The following PPP2R5C variants were observed in gnomAD, a reference collection of about 807,000 sequenced individuals.
The protein encoded by PPP2R5C is serine/threonine-protein phosphatase 2A 56 kDa regulatory subunit gamma isoform.
In PPP2R5C, 7 loss-of-function variants were observed where a neutral mutation model predicts 68.9. The ratio of observed to expected loss-of-function variants is 0.10; its 90% confidence interval spans 0.06 to 0.19. PPP2R5C has a LOEUF of 0.19. Among genes scored for constraint, PPP2R5C ranks in the 10% least tolerant of loss-of-function variants. PPP2R5C has a pLI of 1.00. For missense variants in PPP2R5C, 348 were observed against 641.3 expected (o/e 0.54, Z 4.94); for synonymous variants, 210 against 222.2 (o/e 0.95, Z 0.49).
At chr14:101,761,585 GGGGGTGGGGC>G (rs2036530797), upstream of PPP2R5C, among the ~76,000 whole-genome samples, 1 of 140,046 alleles carries the variant, frequency 7.1e-6, no homozygotes, top group African/African-American at 2.6e-5. Context: ...GGCCGGGCGC[GGGGGTGGGGC>G]GAGCGGCGGG....
At chr14:101,803,935 C>T (rs140773748) in intron 3 of PPP2R5C, among the ~76,000 whole-genome samples, 2 of 152,146 alleles carry the variant, frequency 1.3e-5, no homozygotes, top group South Asian at 2.1e-4. Context: ...AGTGAAGAGA[C>T]GACCCACAGA....
chr14:101,839,948 A>G (rs2041361305), intron 1 of PPP2R5C, among the ~76,000 whole-genome samples: 1 of 147,892 alleles, frequency 6.8e-6, no homozygotes, highest in African/African-American at 2.5e-5. Context: ...TGTTGTTTGG[A>G]TTTTTTTTTT....
Position 101,879,180 on chromosome 14 carries a change from G to A in PPP2R5C, c.295-2981G>A, listed in dbSNP as rs2043988144. 1 of 121,690 alleles carries A rather than the reference G, an allele frequency of 8.2e-6. No homozygotes were observed. Among genetic ancestry groups the A allele is most frequent in the South Asian group, 2.7e-4 (1 of 3,662 alleles). 7.5% of individuals were successfully genotyped at this position (121,690 alleles called of 1,614,324 possible). A position where few individuals can be genotyped will look rare whatever the true frequency, so the allele number is the denominator to read the frequency against. ...AGCCCCTCTTGCCCGCCCTCCCCCG[G>A]GGCTTTGAGCAGAACCCAGAGCAGA... On this transcript the variant is annotated intron_variant, in intron 2 of 13. Coordinates refer to ENST00000334743, the Ensembl canonical transcript of PPP2R5C. This position sits in a 1 kb window ranked among gnomAD's most constrained non-coding sequence, Gnocchi z 4.2.
At chr14:101,902,257 C>T (rs1420702121) in intron 9 of PPP2R5C, among the ~76,000 whole-genome samples, 3 of 152,142 alleles carry the variant, frequency 2.0e-5, no homozygotes, top group African/African-American at 4.8e-5. Flanking sequence ...CTCTTGCTGC[C>T]GAGGCCCTTC....
chr14:101,906,483 A>G lies in PPP2R5C; in HGVS notation c.1105A>G (p.Ile369Val), dbSNP rs2046030328. 1 of 1,613,658 alleles carries G rather than the reference A, an allele frequency of 6.2e-7. No homozygotes were observed. The highest frequency in any genetic ancestry group is 1.7e-5 in the Admixed American group (1 of 59,892). ...TGACAACGCAGCGAAGATTCTGCCC[A>G]TCATGTTTCCTTCCTTGTACCGCAA... Residue 369 changes from isoleucine to valine, a missense_variant, in exon 10 of 14, where the codon ATC (isoleucine) becomes GTC (valine). Ile to Val is a conservative substitution (Grantham distance 29). This residue lies in a region of PPP2R5C where 101 missense variants were observed against 209.8 expected (regional missense o/e 0.48). Coordinates refer to ENST00000334743, the Ensembl canonical transcript of PPP2R5C. The surrounding 1 kb of genome is among the most constrained non-coding windows in gnomAD (Gnocchi z 4.0).
chr14:101,836,101 C>A, intron 1 of PPP2R5C: 1 of 637,774 alleles, frequency 1.6e-6, no homozygotes, highest in South Asian at 1.7e-5. Context: ...GGAAATTCCT[C>A]AATCCACAAG....
chr14:101,850,250 T>C (rs1417823262), intron 1 of PPP2R5C, among the ~76,000 whole-genome samples: 2 of 152,162 alleles, frequency 1.3e-5, no homozygotes, highest in African/African-American at 4.8e-5. Flanking sequence ...ATGTGGGGAC[T>C]TGCAGATGAA....
chr14:101,822,695 G>A (rs571840309), intron 1 of PPP2R5C, among the ~76,000 whole-genome samples: 1 of 152,174 alleles, frequency 6.6e-6, no homozygotes, highest in African/African-American at 2.4e-5. Flanking sequence ...TAAACTTCTG[G>A]GGACTGACTT....
chr14:101,798,515 TC>T (rs2038718900), intron 3 of PPP2R5C, among the ~76,000 whole-genome samples: 1 of 152,254 alleles, frequency 6.6e-6, no homozygotes, highest in Non-Finnish European at 1.5e-5. Flanking sequence ...ACCTGACTTC[TC>T]AGCTACCCAC....
intron 2 of PPP2R5C, chr14:101,765,281 C>G: frequency 1.4e-6 from 1 of 702,606 alleles, no homozygotes; most frequent in Non-Finnish European, 2.6e-6. Flanking sequence ...TGACACTTGG[C>G]AGATCACTGT....
chr14:101,896,633 C>G (rs1053302087), intron 8 of PPP2R5C, among the ~76,000 whole-genome samples: 8 of 72,200 alleles, frequency 1.1e-4, no homozygotes, highest in Non-Finnish European at 1.9e-4. Flanking sequence ...GAAACCCTGT[C>G]TCCAAAAAAA....
At chr14:101,829,561 G>T (rs1192357203) in intron 1 of PPP2R5C, among the ~76,000 whole-genome samples, 1 of 152,216 alleles carries the variant, frequency 6.6e-6, no homozygotes, top group African/African-American at 2.4e-5. Flanking sequence ...AACACTGATC[G>T]TGCTTTACTT....
chr14:101,803,629 C>T (rs529824205), intron 3 of PPP2R5C, among the ~76,000 whole-genome samples: 1 of 151,760 alleles, frequency 6.6e-6, no homozygotes, highest in Non-Finnish European at 1.5e-5. Flanking sequence ...GAGGCTGAGG[C>T]AGCAGAATCA....
At chr14:101,865,194 G>A (rs2042980379) in intron 2 of PPP2R5C, among the ~76,000 whole-genome samples, 1 of 152,156 alleles carries the variant, frequency 6.6e-6, no homozygotes, top group Non-Finnish European at 1.5e-5. Flanking sequence ...TTGGGTTAAC[G>A]GGGGCAGGCA....
chr14:101,869,407 T>A (rs2043259291), intron 2 of PPP2R5C, among the ~76,000 whole-genome samples: 1 of 152,208 alleles, frequency 6.6e-6, no homozygotes, highest in African/African-American at 2.4e-5. Context: ...ACATACCGAT[T>A]TTAGACATAA....
intron 2 of PPP2R5C, among the ~76,000 whole-genome samples, chr14:101,874,998 C>T (rs2043667980): frequency 6.6e-6 from 1 of 152,212 alleles, no homozygotes; most frequent in Non-Finnish European, 1.5e-5. Flanking sequence ...CCTCAGCCTC[C>T]CAAAGTGCTG....
At chr14:101,904,376 C>A (rs1265126843) in intron 9 of PPP2R5C, among the ~76,000 whole-genome samples, 1 of 152,018 alleles carries the variant, frequency 6.6e-6, no homozygotes, top group African/African-American at 2.4e-5. Context: ...CCTTGAACTC[C>A]TGACCTCAAG....
intron 2 of PPP2R5C, among the ~76,000 whole-genome samples, chr14:101,782,162 CTT>C (rs1290473442): frequency 1.9e-5 from 1 of 53,572 alleles, no homozygotes; most frequent in Non-Finnish European, 3.8e-5. Context: ...TCCCCTCTCT[CTT>C]TTTCCCCCTC....
intron 1 of PPP2R5C, chr14:101,831,791 A>G (rs2040759779): frequency 1.4e-6 from 1 of 702,152 alleles, no homozygotes; most frequent in Non-Finnish European, 2.6e-6. Context: ...GGACTTGAAT[A>G]TGCGTGGATT....
Sources: allele counts gnomAD v4.1 joint callset (sites outside exome capture counted in the v4.1 genomes callset), GRCh38; gene constraint gnomAD v4.1.1; regional missense constraint gnomAD v4.1.1; non-coding constraint Gnocchi (gnomAD v3.1); transcripts MANE v1.5; gene names NCBI Gene and HGNC (gene_info 2026-07-23, HGNC 2026-07-21).